Variants in RALGPS2 observed in about 807,000 individuals in gnomAD.
RALGPS2 encodes ras-specific guanine nucleotide-releasing factor RalGPS2.
A neutral mutation model predicts 86.8 loss-of-function variants in RALGPS2; 43 were observed. The observed-to-expected ratio is 0.50, with a 90% CI of 0.39 to 0.64. The LOEUF (loss-of-function observed/expected upper bound fraction) is 0.64, where lower values mean the gene tolerates loss of function less well. Ranked by LOEUF, RALGPS2 falls within the 30% of genes least tolerant of loss-of-function variation. The probability of loss-of-function intolerance (pLI) is 0.00; values close to 1 mark genes in which losing one functional copy is unlikely to be tolerated. For synonymous variants in RALGPS2, 243 were observed against 231.3 expected (o/e 1.05, Z -0.46); for missense variants, 536 against 694.6 (o/e 0.77, Z 2.57).
chr1:178,747,101 A>G (rs1463958756), intron 1 of RALGPS2: 4 of 891,700 alleles, frequency 4.5e-6, no homozygotes, highest in Non-Finnish European at 7.5e-6. Flanking sequence ...TCTTATGTTC[A>G]GTAACACTTG....
chr1:178,870,754 T>G (rs1312936501), intron 8 of RALGPS2: 1 of 152,218 alleles, frequency 6.6e-6, no homozygotes, highest in Non-Finnish European at 1.5e-5. Flanking sequence ...TTTGTGTCTG[T>G]TGATTCAGTG....
intron 4 of RALGPS2, among the ~76,000 whole-genome samples, chr1:178,785,868 TC>T (rs769519693): frequency 6.6e-5 from 10 of 152,022 alleles, no homozygotes; most frequent in Non-Finnish European, 1.3e-4. Flanking sequence ...GAAAACTCTT[TC>T]TATAACTTTT....
At chr1:178,802,377 A>G (rs771888035) in intron 4 of RALGPS2, among the ~76,000 whole-genome samples, 1 of 152,172 alleles carries the variant, frequency 6.6e-6, no homozygotes, top group Non-Finnish European at 1.5e-5. Context: ...TTGAAATGTC[A>G]TGACTTTTCT....
At chr1:178,736,450 A>G (rs1376490194) in intron 1 of RALGPS2, among the ~76,000 whole-genome samples, 2 of 152,116 alleles carry the variant, frequency 1.3e-5, no homozygotes, top group Non-Finnish European at 2.9e-5. Flanking sequence ...GATGTGAGCC[A>G]CTACACCCAG....
At chr1:178,782,249 C>T (rs951507594) in intron 2 of RALGPS2, among the ~76,000 whole-genome samples, 8 of 152,110 alleles carry the variant, frequency 5.3e-5, no homozygotes, top group Non-Finnish European at 1.0e-4. Flanking sequence ...CCTTGGGTGT[C>T]CAGTCTTAGA....
chr1:178,883,503 C>G lies in RALGPS2; in HGVS notation c.874C>G (p.Arg292Gly). The G allele has an allele frequency of 6.2e-7, 1 of 1,613,394 alleles. No homozygotes were observed. The highest frequency in any genetic ancestry group is 8.5e-7 in the Non-Finnish European group (1 of 1,179,414). Residue 292 changes from arginine to glycine, a missense_variant, in exon 11 of 20, where the codon CGT becomes GGT. Transcript: ENST00000367635. ...GATAGAACCAGGGACAAGCACCCCA[C>G]GTTCTGCTGCTTCCAGAGAAGATTT... is the stretch of plus-strand genomic sequence containing the variant. ...LKIEPGTSTP[R>G]SAASREDLVG...
intron 4 of RALGPS2, among the ~76,000 whole-genome samples, chr1:178,795,292 A>G (rs1052659988): frequency 1.3e-5 from 2 of 152,248 alleles, no homozygotes; most frequent in African/African-American, 2.4e-5. Flanking sequence ...TCAAAAAATA[A>G]TAAGCCCCTC....
intron 7 of RALGPS2, among the ~76,000 whole-genome samples, chr1:178,830,117 A>T (rs866637858): frequency 1.3e-5 from 2 of 152,212 alleles, no homozygotes; most frequent in South Asian, 2.1e-4. Context: ...GATGATGGAT[A>T]TGTTAATTAG....
At chr1:178,847,829 G>A (rs1293553601) in intron 8 of RALGPS2, among the ~76,000 whole-genome samples, 2 of 152,126 alleles carry the variant, frequency 1.3e-5, no homozygotes, top group African/African-American at 2.4e-5. Flanking sequence ...TTTATTCTAC[G>A]AGGCATGAAG....
chr1:178,860,284 TCAAA>T (rs1206635928), intron 8 of RALGPS2, among the ~76,000 whole-genome samples: 5 of 152,028 alleles, frequency 3.3e-5, no homozygotes, highest in Admixed American at 6.6e-5. Context: ...TATTACATTC[TCAAA>T]CATTTTGTTT....
rs1558152837 is a variant in RALGPS2 at position 178,856,425 on chromosome 1, T to TTTTTTTTTTTTC, written c.608-21072_608-21071insTTTTTTTTTTCT. ...TTTTTTTTTTTTTTTTTTTTTTTTT[T>TTTTTTTTTTTTC]TGAGAGATGAGGTCTTGGTACATTG... On this transcript the variant is annotated intron_variant, in intron 8 of 19. Transcript: ENST00000367635. 4.7e-5 allele frequency among the ~76,000 whole-genome samples: 6 copies of TTTTTTTTTTTTC among 126,536 alleles called. No individual in the cohort carries two copies. In the East Asian group the frequency reaches 1.4e-3, roughly 29 times the overall value. 83.0% of individuals were successfully genotyped at this position (126,536 alleles called of 152,430 possible).
chr1:178,802,429 T>G (rs180704454), intron 4 of RALGPS2, among the ~76,000 whole-genome samples: 138 of 152,284 alleles, frequency 9.1e-4, no homozygotes, highest in Non-Finnish European at 1.5e-3. Flanking sequence ...GTGGTGCTTC[T>G]TATGGGTCCC....
chr1:178,857,079 A>G (rs1480871997), intron 8 of RALGPS2, among the ~76,000 whole-genome samples: 1 of 152,220 alleles, frequency 6.6e-6, no homozygotes, highest in Non-Finnish European at 1.5e-5. Context: ...TAAAGAGCCT[A>G]TATTTCAGAA....
intron 1 of RALGPS2, among the ~76,000 whole-genome samples, chr1:178,749,307 T>C (rs1182873488): frequency 1.3e-5 from 2 of 152,052 alleles, no homozygotes; most frequent in Non-Finnish European, 2.9e-5. Flanking sequence ...GCTAACATGA[T>C]GAATCCTTGT....
In RALGPS2 at chr1:178,893,306, G is replaced by A. The variant is rs558264805; in HGVS notation, c.1326-613G>A. Among the ~76,000 whole-genome samples the A allele has an allele frequency of 5.0e-4, 75 of 150,384 alleles. 1 individual carries two copies. In the Middle Eastern group the frequency reaches 0.01, roughly 21 times the overall value. ...CTTGAGTTTTGGGTTTTTTCCTTTC[G>A]TGGAGAGCTATTAGGCCATAATCAC... is the stretch of plus-strand genomic sequence containing the variant. On this transcript the variant is annotated intron_variant, in intron 15 of 19. Coordinates refer to ENST00000367635, the MANE Select transcript of RALGPS2 (RefSeq NM_152663.5).
At chr1:178,851,094 A>G in intron 8 of RALGPS2, 1 of 1,574,460 alleles carries the variant, frequency 6.4e-7, no homozygotes, top group Non-Finnish European at 8.6e-7. Flanking sequence ...AAAAGTACAA[A>G]GTTCTGTGTC....
At chr1:178,741,630 A>G (rs914378682) in intron 1 of RALGPS2, among the ~76,000 whole-genome samples, 11 of 152,360 alleles carry the variant, frequency 7.2e-5, no homozygotes, top group African/African-American at 1.9e-4. Flanking sequence ...GTTAAATACT[A>G]TAAATCCTAA....
intron 4 of RALGPS2, among the ~76,000 whole-genome samples, chr1:178,804,480 A>G (rs1654640097): frequency 7.5e-6 from 1 of 133,310 alleles, no homozygotes; most frequent in African/African-American, 2.8e-5. Flanking sequence ...TCCTGTGTCC[A>G]TGTGATCTCA....
intron 1 of RALGPS2, among the ~76,000 whole-genome samples, chr1:178,763,243 G>C (rs1173238229): frequency 6.6e-6 from 1 of 152,194 alleles, no homozygotes; most frequent in African/African-American, 2.4e-5. Flanking sequence ...TTTGGTTACT[G>C]TAGCCTTGTG....
Sources: allele counts gnomAD v4.1 joint callset (sites outside exome capture counted in the v4.1 genomes callset), GRCh38; gene constraint gnomAD v4.1.1; transcripts MANE v1.5; gene names NCBI Gene and HGNC (gene_info 2026-07-23, HGNC 2026-07-21).